C1QTNF5: variants seen among roughly 807,000 people sequenced by gnomAD.
C1QTNF5 encodes the protein complement C1q tumor necrosis factor-related protein 5.
Under a neutral mutation model 10.9 loss-of-function variants are expected in C1QTNF5, and 5 were observed. That is an observed-to-expected ratio of 0.46 (90% confidence interval 0.24 to 0.97). The LOEUF (loss-of-function observed/expected upper bound fraction) is 0.97, where lower values mean the gene tolerates loss of function less well. C1QTNF5 is among the 50% of genes least tolerant of loss of function. The pLI is 0.19. For synonymous variants in C1QTNF5, 161 were observed against 156.5 expected, an observed-to-expected ratio of 1.03 and a Z score of -0.22; for missense variants, 281 against 339.4, an observed-to-expected ratio of 0.83 and a Z score of 1.35.
At chr11:119,340,575 G>A in intron 1 of C1QTNF5, 120 bp downstream of exon 1, 2 of 644,296 alleles carry the variant, frequency 3.1e-6, no homozygotes, top group East Asian at 3.2e-5. Context: ...CCGAGCATCC[G>A]GAGAGCACAG....
chr11:119,341,832 C>T, upstream of C1QTNF5: 1 of 1,613,744 alleles, frequency 6.2e-7, no homozygotes, highest in Non-Finnish European at 8.5e-7. Flanking sequence ...CCCAGGCCCG[C>T]CCTCCTTCCC....
chr11:119,346,269 T>C, the C1QTNF5 span: 1 of 1,609,800 alleles, frequency 6.2e-7, no homozygotes, highest in Non-Finnish European at 8.5e-7. Context: ...CTGGGATGGT[T>C]ACCATGCCAG....
At chr11:119,343,135 G>T, upstream of C1QTNF5, 1 of 1,165,920 alleles carries the variant, frequency 8.6e-7, no homozygotes, top group East Asian at 2.6e-5. Flanking sequence ...CAGGGTTAGG[G>T]TCTGGCGAGA....
chr11:119,339,432 C>T lies in C1QTNF5; in HGVS notation c.631G>A (p.Val211Met). ...PEDQVWVQVG[V>M]GDYIGIYASI... Reference sequence around the variant, plus strand: ...GCATAGATGCCAATGTAGTCACCCACACCCACCTGCACCCACACTTGGTCC... The same window carrying T: ...GCATAGATGCCAATGTAGTCACCCATACCCACCTGCACCCACACTTGGTCC... The change falls in exon 3 of 3, where the codon GTG (valine) becomes ATG (methionine). Residue 211 changes from valine to methionine, a missense_variant. Physicochemically the swap from Val to Met is conservative, Grantham distance 21. Coordinates refer to ENST00000528368, the MANE Select transcript of C1QTNF5 (RefSeq NM_001278431.2). The surrounding 1 kb of genome is among the most constrained non-coding windows in gnomAD (Gnocchi z 5.4). 1 of 1,613,956 alleles carries T rather than the reference C, an allele frequency of 6.2e-7. No individual in the cohort carries two copies. The highest frequency in any genetic ancestry group is 8.5e-7 in the Non-Finnish European group (1 of 1,179,886).
upstream of C1QTNF5, chr11:119,342,123 GAC>G: frequency 9.6e-7 from 1 of 1,042,998 alleles, no homozygotes; most frequent in Non-Finnish European, 1.4e-6. Flanking sequence ...ATAACAAAGA[GAC>G]AGGCTGTACA....
chr11:119,341,786 G>A (rs762062600), upstream of C1QTNF5: 1 of 1,613,242 alleles, frequency 6.2e-7, no homozygotes, highest in South Asian at 1.1e-5. Flanking sequence ...CGGAGGGAGA[G>A]TGGCCTTCAG....
At chr11:119,341,306 G>A, upstream of C1QTNF5, 1 of 570,320 alleles carries the variant, frequency 1.8e-6, no homozygotes, top group Non-Finnish European at 3.1e-6. Flanking sequence ...AAGTGGTCTC[G>A]ATTGTCCGGT....
upstream of C1QTNF5, chr11:119,345,270 G>A: frequency 1.2e-6 from 1 of 844,026 alleles, no homozygotes; most frequent in Non-Finnish European, 1.9e-6. Flanking sequence ...CTTCCTCACG[G>A]CACACAGCAA....
Position 119,340,455 on chromosome 11 carries a change from G to A in C1QTNF5, c.-43-15C>T. ...CCTCTCGCAGTCTGTGGACCAGGCA[G>A]GACTGGAGTCGGGACCCAGAATCCT... On this transcript the variant is annotated splice_polypyrimidine_tract_variant and intron_variant, in intron 1 of 2. Coordinates refer to ENST00000528368, the MANE Select transcript of C1QTNF5 (RefSeq NM_001278431.2). 6.6e-7 allele frequency: 1 copy of A among 1,510,682 alleles called. No individual in the cohort carries two copies. The highest frequency in any genetic ancestry group is 8.9e-7 in the Non-Finnish European group (1 of 1,123,852). 93.6% of individuals were successfully genotyped at this position (1,510,682 alleles called of 1,614,324 possible).
At chr11:119,346,355 G>A in the C1QTNF5 span, 1 of 1,614,070 alleles carries the variant, frequency 6.2e-7, no homozygotes, top group Admixed American at 1.7e-5. Flanking sequence ...AGGCTCGAAG[G>A]CAGGATTGCA....
upstream of C1QTNF5, chr11:119,344,878 C>T (rs370837458): frequency 2.1e-4 from 340 of 1,613,206 alleles, 1 homozygote; most frequent in Non-Finnish European, 2.7e-4. Flanking sequence ...ACTCACCGCG[C>T]CCAGGGGCCA....
chr11:119,339,572 A>T lies in C1QTNF5; in HGVS notation c.491T>A (p.Leu164Gln). 5.0e-6 allele frequency: 8 copies of T among 1,613,482 alleles called. No individual in the cohort carries two copies. Among genetic ancestry groups the T allele is most frequent in the Non-Finnish European group, 6.8e-6 (8 of 1,180,042 alleles). The change falls in exon 3 of 3, where the codon CTG becomes CAG. Residue 164 changes from leucine (L) to glutamine (Q), a missense_variant. By Grantham distance (113) the Leu-to-Gln change is moderately radical. Transcript: ENST00000528368. This position sits in a 1 kb window ranked among gnomAD's most constrained non-coding sequence, Gnocchi z 5.4. ...GCCATTCTTCACCAGATCAAACTGC[A>T]GGCTGGCCCGGTAGACGGTGGCATG... is the stretch of plus-strand genomic sequence containing the variant. ...AVHATVYRAS[L>Q]QFDLVKNGES... is the part of the protein sequence containing the mutation.
At chr11:119,345,479 C>CTTTATG, upstream of C1QTNF5, 1 of 1,614,076 alleles carries the variant, frequency 6.2e-7, no homozygotes. Flanking sequence ...GGCAAGAGGC[C>CTTTATG]ACACTCTCTA....
upstream of C1QTNF5, chr11:119,344,309 G>A: frequency 6.2e-7 from 1 of 1,613,644 alleles, no homozygotes; most frequent in Non-Finnish European, 8.5e-7. Flanking sequence ...GGAGCACTGT[G>A]CTTACCAGTT....
upstream of C1QTNF5, chr11:119,345,020 T>G: frequency 6.3e-7 from 1 of 1,598,472 alleles, no homozygotes; most frequent in Non-Finnish European, 8.5e-7. Flanking sequence ...AGAAGCCAGG[T>G]TGGGGGTGAG....
At chr11:119,344,067 T>G (rs1591304408), upstream of C1QTNF5, 4 of 1,458,804 alleles carry the variant, frequency 2.7e-6, no homozygotes, top group Non-Finnish European at 9.5e-7. Flanking sequence ...GGGGATGGGG[T>G]GGTGCTTTCA....
Position 119,340,676 on chromosome 11 carries a change from C to A in C1QTNF5, c.-44+19G>T. ...ACAGTCCCCTCCCCAGCCCCTTTCC[C>A]CTCCTCCGCCAGACTCACCCCCCCT... On this transcript the variant is annotated intron_variant, in intron 1 of 2. Transcript: ENST00000528368. 2.1e-6 allele frequency: 1 copy of A among 481,820 alleles called. No individual in the cohort carries two copies. The highest frequency in any genetic ancestry group is 2.1e-5 in the African/African-American group (1 of 48,222). The allele number at this position is 481,820 out of a possible 1,614,324, so 29.8% of individuals were successfully genotyped here. A position where few individuals can be genotyped will look rare whatever the true frequency, so the allele number is the denominator to read the frequency against.
At position 119,339,700 on chromosome 11, in the gene C1QTNF5, T is replaced by C. The variant is rs748926370; in HGVS notation, c.363A>G (p.Ala121=). Residue 121 remains alanine, a synonymous_variant, in exon 3 of 3, where the codon GCA becomes GCG. Transcript: ENST00000528368. The surrounding 1 kb of genome is among the most constrained non-coding windows in gnomAD (Gnocchi z 5.4). ...SESRVPPPSD[A]PLPFDRVLVN... ...CCAGCACGCGGTCGAAGGGCAAGGG[T>C]GCGTCAGACGGCGGAGGCACCCGGC... 28 of 1,606,756 alleles carry C rather than the reference T, an allele frequency of 1.7e-5. No homozygotes were observed. The highest frequency in any genetic ancestry group is 2.4e-5 in the Non-Finnish European group (28 of 1,179,082).
upstream of C1QTNF5, among the ~76,000 whole-genome samples, chr11:119,344,144 C>T (rs1591304506): frequency 6.6e-6 from 1 of 152,038 alleles, no homozygotes. Flanking sequence ...AGTGTGGGAA[C>T]ATCTGGGTAC....
Sources: allele counts gnomAD v4.1 joint callset (sites outside exome capture counted in the v4.1 genomes callset), GRCh38; gene constraint gnomAD v4.1.1; non-coding constraint Gnocchi (gnomAD v3.1); transcripts MANE v1.5; gene names NCBI Gene and HGNC (gene_info 2026-07-23, HGNC 2026-07-21).